The following GABBR2 variants were observed in gnomAD, a reference collection of about 807,000 sequenced individuals.
GABBR2 encodes G-protein coupled receptor 51.
GABBR2 carries 23 observed loss-of-function variants against 105.6 expected under a neutral mutation model. The ratio of observed to expected loss-of-function variants is 0.22; its 90% CI spans 0.16 to 0.31. The LOEUF (loss-of-function observed/expected upper bound fraction) is 0.31. GABBR2 is among the 10% of genes least tolerant of loss of function. The probability of loss-of-function intolerance (pLI) is 1.00; values close to 1 mark genes in which losing one functional copy is unlikely to be tolerated. For missense variants in GABBR2, 734 were observed against 1,245.5 expected (o/e 0.59, Z 6.18); for synonymous variants, 478 against 499.7 (o/e 0.96, Z 0.58).
chr9:98,297,613 C>CA (rs1320149502), intron 17 of GABBR2, among the ~76,000 whole-genome samples: 1 of 146,988 alleles, frequency 6.8e-6, no homozygotes, highest in Non-Finnish European at 1.5e-5. Context: ...AACCCCGTCT[C>CA]AAAAAAATAA....
chr9:98,581,198 C>T (rs1460391529), intron 1 of GABBR2: 2 of 152,422 alleles, frequency 1.3e-5, no homozygotes, highest in African/African-American at 4.8e-5. Flanking sequence ...CCAGGGAGGG[C>T]TCTGGAAGAG....
At chr9:98,574,824 C>T (rs918026585) in intron 2 of GABBR2, among the ~76,000 whole-genome samples, 2 of 152,130 alleles carry the variant, frequency 1.3e-5, no homozygotes, top group African/African-American at 4.8e-5. Flanking sequence ...CAGGTGGTTC[C>T]AAGTGACACT....
chr9:98,562,087 C>A lies in GABBR2; in HGVS notation c.459+15848G>T, dbSNP rs1295415951. ...ATATTTACAATAAATTTGGAAGATACCACCTTAACCAAGTGATCAAATTTA... is the reference window on the plus strand; with the variant it reads ...ATATTTACAATAAATTTGGAAGATAACACCTTAACCAAGTGATCAAATTTA... On this transcript the variant is annotated intron_variant, in intron 2 of 18. Transcript: ENST00000259455. Among the ~76,000 whole-genome samples the A allele has an allele frequency of 4.6e-5, 7 of 152,036 alleles. No homozygotes were observed. In the East Asian group the frequency reaches 1.3e-3, roughly 29 times the overall value.
At chr9:98,612,277 G>A (rs959162768) in intron 1 of GABBR2, among the ~76,000 whole-genome samples, 18 of 152,246 alleles carry the variant, frequency 1.2e-4, no homozygotes, top group African/African-American at 4.3e-4. Flanking sequence ...GGCTGGGGCA[G>A]AAAGCTGCAG....
intron 13 of GABBR2, among the ~76,000 whole-genome samples, chr9:98,327,826 G>A (rs1018321282): frequency 3.6e-4 from 55 of 151,200 alleles, no homozygotes; most frequent in African/African-American, 1.2e-3. Flanking sequence ...TCAAGATTGC[G>A]CCACTGCACT....
chr9:98,467,249 A>C (rs2131622318), intron 6 of GABBR2, among the ~76,000 whole-genome samples: 1 of 152,104 alleles, frequency 6.6e-6, no homozygotes, highest in South Asian at 2.1e-4. Context: ...AGGGGAGGAG[A>C]GGTATGGATG....
intron 3 of GABBR2, among the ~76,000 whole-genome samples, chr9:98,517,924 G>T (rs1280199806): frequency 6.6e-6 from 1 of 151,812 alleles, no homozygotes; most frequent in African/African-American, 2.4e-5. Flanking sequence ...AGCCTAGCAG[G>T]AGTCAGAGGA....
intron 1 of GABBR2, among the ~76,000 whole-genome samples, chr9:98,632,127 A>G (rs548359429): frequency 5.9e-5 from 9 of 152,284 alleles, no homozygotes; most frequent in African/African-American, 2.2e-4. Context: ...TGTTCTCTGA[A>G]GCAAGACTGG....
intron 13 of GABBR2, among the ~76,000 whole-genome samples, chr9:98,357,681 CAAA>C (rs869090343): frequency 1.5e-4 from 8 of 53,446 alleles, no homozygotes; most frequent in African/African-American, 4.2e-4. Flanking sequence ...AAAACAACAA[CAAA>C]AAAAAAAACC....
intron 3 of GABBR2, among the ~76,000 whole-genome samples, chr9:98,508,658 G>A (rs13294095): frequency 0.34 from 52,322 of 152,010 alleles, 9,271 homozygotes; most frequent in Middle Eastern, 0.5. Flanking sequence ...ATGAAGTCTC[G>A]CTCATTGCTA....
chr9:98,659,328 C>CT, intron 1 of GABBR2, among the ~76,000 whole-genome samples: 1 of 152,070 alleles, frequency 6.6e-6, no homozygotes, highest in East Asian at 1.9e-4. Flanking sequence ...GTTTATACAT[C>CT]TTTTTTGTTT....
intron 11 of GABBR2, among the ~76,000 whole-genome samples, chr9:98,385,294 T>C (rs1353214782): frequency 2.6e-5 from 4 of 152,152 alleles, no homozygotes; most frequent in Non-Finnish European, 4.4e-5. Context: ...ACCTTGATCT[T>C]TGGGCTCAAG....
At chr9:98,664,993 A>G (rs900257103) in intron 1 of GABBR2, among the ~76,000 whole-genome samples, 3 of 151,970 alleles carry the variant, frequency 2.0e-5, no homozygotes, top group African/African-American at 4.8e-5. Flanking sequence ...TTAGCCAGGC[A>G]TGGTGGCATG....
chr9:98,446,155 A>ATT (rs1396707987), intron 7 of GABBR2, among the ~76,000 whole-genome samples: 12 of 152,184 alleles, frequency 7.9e-5, no homozygotes, highest in Admixed American at 6.5e-4. Flanking sequence ...GTGAAATGAG[A>ATT]TTATATATAT....
intron 1 of GABBR2, among the ~76,000 whole-genome samples, chr9:98,622,767 G>T (rs576610343): frequency 2.6e-5 from 4 of 152,290 alleles, no homozygotes; most frequent in Non-Finnish European, 5.9e-5. Flanking sequence ...GGTGAGGCAG[G>T]TACTTGTATT....
chr9:98,322,329 C>T (rs1588100885), intron 13 of GABBR2, among the ~76,000 whole-genome samples: 4 of 152,208 alleles, frequency 2.6e-5, no homozygotes, highest in Admixed American at 2.6e-4. Context: ...TTCTTCAATG[C>T]CCACCCTGGC....
At chr9:98,294,832 A>G (rs2131337804) in intron 17 of GABBR2, among the ~76,000 whole-genome samples, 1 of 152,330 alleles carries the variant, frequency 6.6e-6, no homozygotes, top group East Asian at 1.9e-4. Context: ...TGAATTTGGT[A>G]ATAATGGATT....
chr9:98,454,058 C>T lies in GABBR2; in HGVS notation c.1159G>A (p.Asp387Asn). 1 of 1,614,190 alleles carries T rather than the reference C, an allele frequency of 6.2e-7. No individual in the cohort carries two copies. The highest frequency in any genetic ancestry group is 8.5e-7 in the Non-Finnish European group (1 of 1,180,036). ...AGCGTGTGGTCCGTGTAGTTGAAGTCCTGGATCCGCTGGTGCCGGCTGCTG... is the reference window on the plus strand; with the variant it reads ...AGCGTGTGGTCCGTGTAGTTGAAGTTCTGGATCCGCTGGTGCCGGCTGCTG... ...HASSRHQRIQ[D>N]FNYTDHTLGR... Residue 387 changes from aspartate to asparagine, a missense_variant, in exon 7 of 19, where the codon GAC becomes AAC. Around this residue, in one of 7 missense-constraint regions of GABBR2, gnomAD observed 370 missense variants for 648.9 expected, o/e 0.57. Coordinates refer to ENST00000259455, the MANE Select transcript of GABBR2 (RefSeq NM_005458.8). This position sits in a 1 kb window ranked among gnomAD's most constrained non-coding sequence, Gnocchi z 4.6.
intron 2 of GABBR2, among the ~76,000 whole-genome samples, chr9:98,550,481 TGGA>T (rs924939913): frequency 6.8e-4 from 104 of 152,264 alleles, no homozygotes; most frequent in African/African-American, 2.3e-3. Flanking sequence ...AACTTAGAAA[TGGA>T]GGAGTGGAAC....
Sources: gnomAD v4.1 joint callset for allele counts (sites outside exome capture counted in the v4.1 genomes callset) on GRCh38, gnomAD v4.1.1 for gene constraint, gnomAD v4.1.1 regional missense constraint, Gnocchi (gnomAD v3.1) non-coding constraint, MANE v1.5 for transcripts, NCBI Gene and HGNC (gene_info 2026-07-23, HGNC 2026-07-21) for gene names.